Variants in JAM3 observed in about 807,000 individuals in gnomAD.
JAM3 encodes junctional adhesion molecule C.
A neutral mutation model predicts 39.4 loss-of-function variants in JAM3; 31 were observed. The observed-to-expected ratio is 0.79, with a 90% CI of 0.59 to 1.06. The LOEUF (loss-of-function observed/expected upper bound fraction) is 1.06. Ranked by LOEUF, JAM3 falls within the 50% of genes least tolerant of loss-of-function variation. The probability of loss-of-function intolerance (pLI) is 0.00; values close to 1 mark genes in which losing one functional copy is unlikely to be tolerated. For synonymous variants in JAM3, 182 were observed against 148.7 expected (o/e 1.22, Z -1.63); for missense variants, 455 against 391.4 (o/e 1.16, Z -1.37).
At chr11:134,112,685 AACTC>A (rs370552338) in intron 1 of JAM3, among the ~76,000 whole-genome samples, 36 of 152,270 alleles carry the variant, frequency 2.4e-4, no homozygotes, top group East Asian at 1.5e-3. Flanking sequence ...TAGACAAGGA[AACTC>A]ACTCACACAG....
chr11:134,086,296 C>G lies in JAM3; in HGVS notation c.76+17137C>G, dbSNP rs1048264480. ...TACAATTCTAATTTACAATAACCTT[C>G]TCTTAAAAAAGCTCCCTTTATGGCT... is the stretch of plus-strand genomic sequence containing the variant. On this transcript the variant is annotated intron_variant, in intron 1 of 8. Transcript: ENST00000299106. 2.6e-5 allele frequency among the ~76,000 whole-genome samples: 4 copies of G among 152,140 alleles called. No homozygotes were observed. In the East Asian group the frequency reaches 7.7e-4, roughly 29 times the overall value.
intron 1 of JAM3, among the ~76,000 whole-genome samples, chr11:134,121,687 C>T (rs1197027620): frequency 2.6e-5 from 4 of 152,098 alleles, no homozygotes; most frequent in African/African-American, 9.7e-5. Flanking sequence ...TAACATTAGT[C>T]TTTAATTTAA....
intron 1 of JAM3, among the ~76,000 whole-genome samples, chr11:134,111,764 A>G (rs1327221795): frequency 1.3e-5 from 2 of 152,234 alleles, no homozygotes; most frequent in Non-Finnish European, 2.9e-5. Context: ...CATATAAACA[A>G]TAAAAAGGGA....
intron 1 of JAM3, among the ~76,000 whole-genome samples, chr11:134,093,284 G>T (rs79495799): frequency 9.8e-6 from 1 of 102,184 alleles, no homozygotes; most frequent in Non-Finnish European, 1.9e-5. Context: ...CTCCTTATTC[G>T]TCATGTTCCA....
intron 6 of JAM3, 134 bp downstream of exon 6, chr11:134,146,179 C>G: frequency 1.4e-6 from 1 of 717,962 alleles, no homozygotes; most frequent in Non-Finnish European, 2.5e-6. Context: ...CCTAGGTCCA[C>G]CAGAACCCAC....
intron 1 of JAM3, among the ~76,000 whole-genome samples, chr11:134,088,342 A>G (rs1337370986): frequency 2.0e-5 from 3 of 152,216 alleles, no homozygotes; most frequent in African/African-American, 7.2e-5. Context: ...TACCTTGCTA[A>G]AGAAGCATTG....
chr11:134,112,016 G>A (rs1024335434), intron 1 of JAM3, among the ~76,000 whole-genome samples: 1 of 152,176 alleles, frequency 6.6e-6, no homozygotes, highest in Admixed American at 6.5e-5. Context: ...ATCTCTAAAC[G>A]TGAAAAAAGA....
chr11:134,088,405 A>T lies in JAM3; in HGVS notation c.76+19246A>T, dbSNP rs1419807541. Among the ~76,000 whole-genome samples the T allele has an allele frequency of 2.5e-4, 37 of 148,934 alleles. 1 individual carries two copies. Among genetic ancestry groups the T allele is most frequent in the Admixed American group, 1.2e-3 (18 of 14,982 alleles). ...ATGCTTGGGCAACATTTTTTTTTTT[A>T]TTTTTTATTTTTTTAAATTTTAGGT... On this transcript the variant is annotated intron_variant, in intron 1 of 8. Transcript: ENST00000299106.
At chr11:134,069,414 C>T (rs1941450556) in intron 1 of JAM3, among the ~76,000 whole-genome samples, 1 of 152,130 alleles carries the variant, frequency 6.6e-6, no homozygotes, top group Non-Finnish European at 1.5e-5. Context: ...ATGGGGGGCC[C>T]GTCCCAGGCA....
At chr11:134,130,565 G>A (rs541709831) in intron 1 of JAM3, among the ~76,000 whole-genome samples, 85 of 152,266 alleles carry the variant, frequency 5.6e-4, no homozygotes, top group South Asian at 2.5e-3. Context: ...TATTTGAACC[G>A]ACGTTGTAGA....
rs575958709 is a variant in JAM3 at position 134,148,502 on chromosome 11, CAG to C, written c.713-43_713-42del. ...GCAGGGCCAGGGCCTTTTTAAATAA[CAG>C]ATAGTGTGTATCATGGCTTCCACCA... is the stretch of plus-strand genomic sequence containing the variant. On this transcript the variant is annotated intron_variant, in intron 6 of 8. Transcript: ENST00000299106. The C allele has an allele frequency of 1.8e-4, 294 of 1,613,798 alleles. 1 individual carries two copies. The African/African-American group carries it at 3.4e-3, about 19-fold the overall frequency.
At chr11:134,148,704 A>C in intron 7 of JAM3, 28 bp downstream of exon 7, 3 of 1,614,148 alleles carry the variant, frequency 1.9e-6, no homozygotes, top group Non-Finnish European at 1.7e-6. Flanking sequence ...GAAAAAAGGG[A>C]AGTTCAAGCT....
intron 3 of JAM3, among the ~76,000 whole-genome samples, chr11:134,141,506 T>C (rs535498406): frequency 6.7e-4 from 101 of 151,876 alleles, no homozygotes; most frequent in Non-Finnish European, 1.2e-3. Context: ...CTGCACTGAA[T>C]GCCAGGCGAG....
chr11:134,120,229 C>A (rs74711900), intron 1 of JAM3, among the ~76,000 whole-genome samples: 1 of 152,220 alleles, frequency 6.6e-6, no homozygotes, highest in African/African-American at 2.4e-5. Context: ...CCTGCGCTGC[C>A]GTTGTATGTT....
At chr11:134,071,883 G>T (rs983437519) in intron 1 of JAM3, among the ~76,000 whole-genome samples, 54 of 152,092 alleles carry the variant, frequency 3.6e-4, no homozygotes, top group Non-Finnish European at 3.5e-4. Flanking sequence ...CTTTATATCA[G>T]CTGCTCATTC....
intron 1 of JAM3, among the ~76,000 whole-genome samples, chr11:134,132,797 G>T (rs1055844478): frequency 1.3e-5 from 2 of 152,166 alleles, no homozygotes; most frequent in African/African-American, 4.8e-5. Flanking sequence ...GTCTGGGGGG[G>T]CCTGCTAAGA....
chr11:134,081,478 G>A (rs1286708559), intron 1 of JAM3, among the ~76,000 whole-genome samples: 1 of 152,226 alleles, frequency 6.6e-6, no homozygotes, highest in African/African-American at 2.4e-5. Context: ...GGCTGAAAGG[G>A]GCCAGCATAG....
At chr11:134,123,213 AGTTATTTG>A (rs1269358572) in intron 1 of JAM3, among the ~76,000 whole-genome samples, 6 of 148,374 alleles carry the variant, frequency 4.0e-5, no homozygotes, top group African/African-American at 1.0e-4. Flanking sequence ...TTATTTATTT[AGTTATTTG>A]TTTGTTTATT....
chr11:134,132,416 A>G (rs962816253), intron 1 of JAM3, among the ~76,000 whole-genome samples: 2 of 152,216 alleles, frequency 1.3e-5, no homozygotes, highest in African/African-American at 4.8e-5. Context: ...CTCTATAGGA[A>G]ATATGAAAGG....
Sources: allele counts gnomAD v4.1 joint callset (sites outside exome capture counted in the v4.1 genomes callset), GRCh38; gene constraint gnomAD v4.1.1; transcripts MANE v1.5; gene names NCBI Gene and HGNC (gene_info 2026-07-23, HGNC 2026-07-21).